GGTA1: variants seen among roughly 807,000 people sequenced by gnomAD.
The protein encoded by GGTA1 is inactive N-acetyllactosaminide alpha-1,3-galactosyltransferase.
In GGTA1, 5 loss-of-function variants were observed where a neutral mutation model predicts 2.6. The ratio of observed to expected loss-of-function variants is 1.92; its 90% CI spans 1.00 to 4.04. The LOEUF is 4.04. Among genes scored for constraint, GGTA1 ranks in the 30% most tolerant of loss-of-function variants. GGTA1 has a pLI of 0.00. For missense variants in GGTA1, 50 were observed against 16.7 expected, an observed-to-expected ratio of 2.99 and a Z score of -3.47; for synonymous variants, 17 against 5.0, an observed-to-expected ratio of 3.38 and a Z score of -3.19.
intron 2 of GGTA1, among the ~76,000 whole-genome samples, chr9:121,464,089 C>A (rs902065214): frequency 1.8e-4 from 28 of 152,176 alleles, no homozygotes; most frequent in Admixed American, 1.2e-3. Flanking sequence ...TTCTCCTTAC[C>A]CTCCTCTCCA....
chr9:121,487,223 A>G (rs1828776205), intron 1 of GGTA1, among the ~76,000 whole-genome samples: 1 of 152,068 alleles, frequency 6.6e-6, no homozygotes, highest in African/African-American at 2.4e-5. Context: ...GAGATGCAGG[A>G]GAAGATGTTT....
rs1432715335 is a variant in GGTA1, at chr9:121,455,478, T to C, written c.*359A>G. ...AAGTGCTTGACTTTTATTCTCTCAT[T>C]TGATCTTCATGACCATTCTATGAAG... On this transcript the variant is annotated 3_prime_UTR_variant, in exon 6 of 6. Coordinates refer to ENST00000481799, the MANE Select transcript of GGTA1 (RefSeq NM_001382585.1). The C allele has an allele frequency of 6.5e-6, 1 of 154,394 alleles. No homozygotes were observed. Among genetic ancestry groups the C allele is most frequent in the Non-Finnish European group, 1.4e-5 (1 of 69,194 alleles). The allele number at this position is 154,394 out of a possible 1,614,324, so 9.6% of individuals were successfully genotyped here.
chr9:121,479,234 C>A (rs1266242666), intron 1 of GGTA1: 1 of 406,266 alleles, frequency 2.5e-6, no homozygotes, highest in African/African-American at 2.1e-5. Context: ...CCTCCTGCCG[C>A]TTTCACCCCA....
chr9:121,498,004 G>A (rs888661949), intron 1 of GGTA1, among the ~76,000 whole-genome samples: 14 of 152,224 alleles, frequency 9.2e-5, no homozygotes, highest in African/African-American at 3.1e-4. Flanking sequence ...CCCAAATCAC[G>A]TTGCACACTT....
chr9:121,496,420 T>G (rs577668694), intron 1 of GGTA1, among the ~76,000 whole-genome samples: 1 of 152,120 alleles, frequency 6.6e-6, no homozygotes, highest in South Asian at 2.1e-4. Context: ...CAAAAACTCT[T>G]AAAATTCAAT....
chr9:121,458,717 A>T (rs1316151403), intron 5 of GGTA1, among the ~76,000 whole-genome samples: 1 of 152,160 alleles, frequency 6.6e-6, no homozygotes, highest in African/African-American at 2.4e-5. Context: ...TCATTTGGAG[A>T]TGAAGCCATG....
downstream of GGTA1, among the ~76,000 whole-genome samples, chr9:121,450,088 G>A (rs10985247): frequency 0.058 from 8,757 of 152,118 alleles, 282 homozygotes; most frequent in East Asian, 0.11. Context: ...ACTTCTTTTC[G>A]CTTTTTGTTG....
chr9:121,490,386 C>T (rs56119155), intron 1 of GGTA1, among the ~76,000 whole-genome samples: 3,926 of 152,298 alleles, frequency 0.026, 78 homozygotes, highest in Non-Finnish European at 0.044. Flanking sequence ...TCTGAAACCT[C>T]CCCAGAAGGC....
chr9:121,463,442 G>T, intron 2 of GGTA1, 114 bp from the exon 3 acceptor site: 1 of 381,068 alleles, frequency 2.6e-6, no homozygotes, highest in Non-Finnish European at 5.1e-6. Context: ...GGTTTTAGCT[G>T]CTTCCTGGTT....
chr9:121,448,400 T>G (rs2064862268), intron 7 of GGTA1, among the ~76,000 whole-genome samples: 1 of 152,184 alleles, frequency 6.6e-6, no homozygotes, highest in Non-Finnish European at 1.5e-5. Flanking sequence ...AGATCTGCCT[T>G]CATGTTACAT....
In GGTA1 at chr9:121,461,273, A is replaced by G. The variant is rs2064958790; in HGVS notation, c.161T>C (p.Phe54Ser). 4.4e-6 allele frequency: 2 copies of G among 456,460 alleles called. No homozygotes were observed. The highest frequency in any genetic ancestry group is 2.4e-5 in the Admixed American group (1 of 42,530). The allele number at this position is 456,460 out of a possible 1,614,324, so 28.3% of individuals were successfully genotyped here. A position where few individuals can be genotyped will look rare whatever the true frequency, so the allele number is the denominator to read the frequency against. Residue 54 changes from phenylalanine to serine, a missense_variant, in exon 4 of 6, where the codon TTT (phenylalanine) becomes TCT (serine). Physicochemically the swap from Phe to Ser is radical, Grantham distance 155. Transcript: ENST00000481799. ...TTACCCATTGTTAAACCAGCTCAGA[A>G]ACCACCAGCCCTTCTGAGCACTGCT... ...DDSSAQKGWW[F>S]LSWFNNGIHN...
intron 3 of GGTA1, 50 bp downstream of exon 3, chr9:121,463,243 G>C (rs929094307): frequency 4.0e-5 from 18 of 454,560 alleles, no homozygotes; most frequent in Non-Finnish European, 8.0e-5. Flanking sequence ...GGGGGTGCCA[G>C]AGTGGCTGTG....
At chr9:121,475,012 C>T (rs1828476433) in intron 1 of GGTA1, among the ~76,000 whole-genome samples, 1 of 152,164 alleles carries the variant, frequency 6.6e-6, no homozygotes, top group African/African-American at 2.4e-5. Flanking sequence ...ACAGCAACTC[C>T]ATCTTGAATG....
At chr9:121,493,600 C>G (rs1267338504) in intron 1 of GGTA1, among the ~76,000 whole-genome samples, 1 of 152,040 alleles carries the variant, frequency 6.6e-6, no homozygotes, top group Non-Finnish European at 1.5e-5. Flanking sequence ...TTGTTTCCCT[C>G]GGGGGTCTTA....
intron 5 of GGTA1, among the ~76,000 whole-genome samples, 175 bp downstream of exon 5, chr9:121,459,929 T>A (rs2064945835): frequency 3.9e-5 from 6 of 152,214 alleles, no homozygotes; most frequent in Admixed American, 3.9e-4. Flanking sequence ...AAATATACTT[T>A]ACATCACAAT....
chr9:121,492,774 G>A (rs1828897646), intron 1 of GGTA1, among the ~76,000 whole-genome samples: 1 of 151,890 alleles, frequency 6.6e-6, no homozygotes, highest in African/African-American at 2.4e-5. Flanking sequence ...GCGCCCGGTC[G>A]AGTTCAGGGC....
downstream of GGTA1, among the ~76,000 whole-genome samples, chr9:121,453,586 T>C (rs2064889807): frequency 6.6e-6 from 1 of 152,314 alleles, no homozygotes; most frequent in South Asian, 2.1e-4. Context: ...GGCACCCTGC[T>C]TGGCATTTGC....
At chr9:121,496,561 T>C (rs1406870259) in intron 1 of GGTA1, among the ~76,000 whole-genome samples, 2 of 150,938 alleles carry the variant, frequency 1.3e-5, no homozygotes, top group African/African-American at 4.9e-5. Context: ...AAACCCCAAC[T>C]CTACTAAAAA....
downstream of GGTA1, among the ~76,000 whole-genome samples, chr9:121,454,309 G>A (rs1423951711): frequency 2.0e-5 from 3 of 152,196 alleles, no homozygotes; most frequent in Non-Finnish European, 4.4e-5. Context: ...CAACAGCCCT[G>A]CAATGTATCA....
Sources: gnomAD v4.1 joint callset for allele counts (sites outside exome capture counted in the v4.1 genomes callset) on GRCh38, gnomAD v4.1.1 for gene constraint, MANE v1.5 for transcripts, NCBI Gene and HGNC (gene_info 2026-07-23, HGNC 2026-07-21) for gene names.